MECOM: variants seen among roughly 807,000 people sequenced by gnomAD.
MECOM encodes the protein MDS1 and EVI1 complex locus.
A neutral mutation model predicts 116.3 loss-of-function variants in MECOM; 13 were observed. The ratio of observed to expected loss-of-function variants is 0.11; its 90% confidence interval spans 0.07 to 0.18. The LOEUF (loss-of-function observed/expected upper bound fraction) is 0.18, where lower values mean the gene tolerates loss of function less well. Among genes scored for constraint, MECOM ranks in the 10% least tolerant of loss-of-function variants. The pLI, the probability that MECOM is intolerant of heterozygous loss-of-function variation, is 1.00. For missense variants in MECOM, 1,299 were observed against 1,509.0 expected (o/e 0.86, Z 2.31); for synonymous variants, 528 against 535.2 (o/e 0.99, Z 0.19).
At chr3:169,312,312 A>T (rs1291063816) in intron 2 of MECOM, among the ~76,000 whole-genome samples, 1 of 151,542 alleles carries the variant, frequency 6.6e-6, no homozygotes, top group African/African-American at 2.4e-5. Flanking sequence ...ATGTGATTTG[A>T]TGATTAATTT....
intron 2 of MECOM, chr3:169,146,983 C>T: frequency 1.0e-6 from 1 of 995,182 alleles, no homozygotes. Flanking sequence ...ATTTATTGTC[C>T]GCCAACAGTG....
rs376235012 is a variant in MECOM, at chr3:169,381,325, C to T, written c.237G>A (p.Glu79=). ...YIPDDIPIPA[E]FELRESNMPG... is the part of the protein sequence containing the mutation. The stretch of plus-strand genomic sequence containing the variant: ...GCATATTTGACTCTCGAAGTTCAAA[C>T]TCAGCAGGAATGGGGATATCATCAG... The change falls in exon 2 of 17, where the codon GAG becomes GAA. Residue 79 remains glutamate, a synonymous_variant. Transcript: ENST00000651503. The T allele has an allele frequency of 3.1e-6, 5 of 1,613,748 alleles. No homozygotes were observed. The African/African-American group carries it at 5.3e-5, about 17-fold the overall frequency.
chr3:169,485,994 T>TAC (rs1560341215), intron 1 of MECOM, among the ~76,000 whole-genome samples: 1 of 90,092 alleles, frequency 1.1e-5, no homozygotes, highest in Non-Finnish European at 2.2e-5. Flanking sequence ...AGTATATATA[T>TAC]GTATATATAT....
intron 2 of MECOM, among the ~76,000 whole-genome samples, chr3:169,279,256 T>C (rs74951516): frequency 7.2e-4 from 110 of 152,288 alleles, no homozygotes; most frequent in African/African-American, 2.6e-3. Flanking sequence ...TCAATCTTTC[T>C]TGAGGTTTGA....
intron 2 of MECOM, among the ~76,000 whole-genome samples, chr3:169,377,285 A>T (rs1731202334): frequency 6.6e-6 from 1 of 152,212 alleles, no homozygotes; most frequent in Non-Finnish European, 1.5e-5. Context: ...TTCATGACTA[A>T]AGCACCAAAA....
intron 2 of MECOM, among the ~76,000 whole-genome samples, chr3:169,193,679 C>A (rs1457899347): frequency 6.6e-6 from 1 of 151,832 alleles, no homozygotes; most frequent in Non-Finnish European, 1.5e-5. Flanking sequence ...ATATTTAATT[C>A]TCAAGGATGA....
chr3:169,154,516 A>C (rs989694014), intron 2 of MECOM, among the ~76,000 whole-genome samples: 1 of 152,126 alleles, frequency 6.6e-6, no homozygotes, highest in African/African-American at 2.4e-5. Flanking sequence ...GAATTATTGC[A>C]ATGATCTCCT....
intron 2 of MECOM, among the ~76,000 whole-genome samples, chr3:169,174,012 T>G (rs1744806615): frequency 1.3e-5 from 2 of 152,214 alleles, no homozygotes; most frequent in Non-Finnish European, 2.9e-5. Context: ...GCCTTTACTT[T>G]GGCAAATGTC....
chr3:169,403,669 C>T (rs961273724), intron 1 of MECOM, among the ~76,000 whole-genome samples: 7 of 152,102 alleles, frequency 4.6e-5, no homozygotes, highest in Non-Finnish European at 1.0e-4. Context: ...TTAGGGAGGG[C>T]TTGTGTTTAC....
intron 1 of MECOM, among the ~76,000 whole-genome samples, chr3:169,411,048 G>A (rs1737480154): frequency 2.0e-5 from 3 of 152,046 alleles, no homozygotes; most frequent in Non-Finnish European, 4.4e-5. Context: ...ATGAATATAT[G>A]CATATACATA....
chr3:169,622,902 C>T (rs1262777548), intron 1 of MECOM, among the ~76,000 whole-genome samples: 1 of 152,174 alleles, frequency 6.6e-6, no homozygotes, highest in Non-Finnish European at 1.5e-5. Context: ...ATAAATTCCA[C>T]CTCACAATCT....
At chr3:169,281,742 G>T (rs1480874020) in intron 2 of MECOM, among the ~76,000 whole-genome samples, 1 of 152,154 alleles carries the variant, frequency 6.6e-6, no homozygotes, top group African/African-American at 2.4e-5. Flanking sequence ...AGCCCAGGAG[G>T]TTGATGCTAC....
chr3:169,098,519 T>G (rs1190886654), intron 12 of MECOM, among the ~76,000 whole-genome samples: 1 of 152,232 alleles, frequency 6.6e-6, no homozygotes, highest in Non-Finnish European at 1.5e-5. Context: ...CTGACATGTC[T>G]AACTTCTGGC....
At chr3:169,625,326 G>T (rs918226186) in intron 1 of MECOM, among the ~76,000 whole-genome samples, 1 of 152,028 alleles carries the variant, frequency 6.6e-6, no homozygotes, top group African/African-American at 2.4e-5. Flanking sequence ...CTGAGATGAT[G>T]AACTACATCA....
intron 1 of MECOM, among the ~76,000 whole-genome samples, chr3:169,606,311 G>A (rs540059063): frequency 6.6e-6 from 1 of 151,878 alleles, no homozygotes; most frequent in African/African-American, 2.4e-5. Flanking sequence ...TACTCGGGAG[G>A]CTGAGACAGG....
chr3:169,404,272 C>G (rs1736315088), intron 1 of MECOM, among the ~76,000 whole-genome samples: 1 of 151,978 alleles, frequency 6.6e-6, no homozygotes, highest in Non-Finnish European at 1.5e-5. Flanking sequence ...TATTGGTTGT[C>G]TCTCTGCAAA....
At chr3:169,464,858 G>T (rs1206825973) in intron 1 of MECOM, among the ~76,000 whole-genome samples, 2 of 151,984 alleles carry the variant, frequency 1.3e-5, no homozygotes, top group African/African-American at 4.8e-5. Flanking sequence ...CTTCTACTAA[G>T]AAATTAAATT....
Position 169,115,460 on chromosome 3 carries a change from G to T in MECOM, c.2412C>A (p.Asn804Lys). 6.2e-7 allele frequency: 1 copy of T among 1,614,110 alleles called. No individual in the cohort carries two copies. Among genetic ancestry groups the T allele is most frequent in the Non-Finnish European group, 8.5e-7 (1 of 1,180,030 alleles). ...NHVFGGKKGS[N>K]VESRPASDGS... is the part of the protein sequence containing the mutation. ...CATCTGAAGCAGGTCTTGATTCGACGTTGCTTCCTTTTTTTCCCCCAAACA... is the reference window on the plus strand; with the variant it reads ...CATCTGAAGCAGGTCTTGATTCGACTTTGCTTCCTTTTTTTCCCCCAAACA... Residue 804 changes from asparagine to lysine, a missense_variant, in exon 8 of 17, where the codon AAC becomes AAA. Coordinates refer to ENST00000651503, the MANE Select transcript of MECOM (RefSeq NM_004991.4).
At chr3:169,120,233 C>G (rs1577027076) in intron 7 of MECOM, among the ~76,000 whole-genome samples, 1 of 152,192 alleles carries the variant, frequency 6.6e-6, no homozygotes, top group East Asian at 1.9e-4. Flanking sequence ...ATTTTTTGCC[C>G]AGGTAGACTA....
Sources: gnomAD v4.1 joint callset for allele counts (sites outside exome capture counted in the v4.1 genomes callset) on GRCh38, gnomAD v4.1.1 for gene constraint, MANE v1.5 for transcripts, NCBI Gene and HGNC (gene_info 2026-07-23, HGNC 2026-07-21) for gene names.